The following BAALC variants were observed in gnomAD, a reference collection of about 807,000 sequenced individuals.
BAALC encodes BAALC binder of MAP3K1 and KLF4, also known as brain and acute leukemia cytoplasmic protein.
In BAALC, 9 loss-of-function variants were observed where a neutral mutation model predicts 15.5. The observed-to-expected ratio is 0.58, with a 90% CI of 0.35 to 1.02. BAALC has a LOEUF of 1.02. BAALC is among the 50% of genes least tolerant of loss of function. BAALC has a pLI of 0.02. For synonymous variants in BAALC, 80 were observed against 74.6 expected (o/e 1.07, Z -0.37); for missense variants, 201 against 192.4 (o/e 1.04, Z -0.27).
intron 1 of BAALC, among the ~76,000 whole-genome samples, chr8:103,168,306 C>T (rs1811393280): frequency 6.6e-6 from 1 of 152,130 alleles, no homozygotes; most frequent in Admixed American, 6.6e-5. Context: ...GGTCTAAGGC[C>T]TGATCTATTG....
chr8:103,212,636 A>G (rs1812472222), intron 1 of BAALC, among the ~76,000 whole-genome samples: 1 of 152,218 alleles, frequency 6.6e-6, no homozygotes, highest in Non-Finnish European at 1.5e-5. Flanking sequence ...TAAATAAATG[A>G]TGACATAGAC....
chr8:103,181,651 A>G (rs1211256181), intron 1 of BAALC, among the ~76,000 whole-genome samples: 1 of 152,176 alleles, frequency 6.6e-6, no homozygotes, highest in African/African-American at 2.4e-5. Context: ...CTTAGTGTAC[A>G]TTGATTTCCT....
At chr8:103,177,323 T>C (rs1403025917) in intron 1 of BAALC, among the ~76,000 whole-genome samples, 1 of 152,064 alleles carries the variant, frequency 6.6e-6, no homozygotes, top group African/African-American at 2.4e-5. Flanking sequence ...TGGCTGAGAC[T>C]ACTGGTGTGC....
chr8:103,226,982 T>C (rs939735340), intron 2 of BAALC, among the ~76,000 whole-genome samples: 1 of 152,178 alleles, frequency 6.6e-6, no homozygotes, highest in Admixed American at 6.5e-5. Context: ...ACTTAACCAC[T>C]CTACTAAAGC....
intron 1 of BAALC, among the ~76,000 whole-genome samples, chr8:103,141,785 A>G (rs1810784244): frequency 6.6e-6 from 1 of 152,264 alleles, no homozygotes; most frequent in Non-Finnish European, 1.5e-5. Context: ...CTATAAATTA[A>G]ATACTCTTGC....
At chr8:103,187,114 CT>C (rs2129990196) in intron 1 of BAALC, among the ~76,000 whole-genome samples, 1 of 152,292 alleles carries the variant, frequency 6.6e-6, no homozygotes, top group East Asian at 1.9e-4. Flanking sequence ...AAAGTGCCCC[CT>C]CCCTCGATGT....
chr8:103,220,763 G>A (rs566159315), intron 2 of BAALC, among the ~76,000 whole-genome samples: 1 of 152,242 alleles, frequency 6.6e-6, no homozygotes, highest in Admixed American at 6.5e-5. Context: ...ATTATCTCTG[G>A]GGAAGGCACT....
chr8:103,181,929 A>G (rs561201929), intron 1 of BAALC, among the ~76,000 whole-genome samples: 2 of 152,292 alleles, frequency 1.3e-5, no homozygotes, highest in African/African-American at 4.8e-5. Context: ...TAAGAAATGT[A>G]TTCATATATA....
At chr8:103,160,283 T>G (rs1316522345) in intron 1 of BAALC, among the ~76,000 whole-genome samples, 2 of 152,046 alleles carry the variant, frequency 1.3e-5, no homozygotes, top group East Asian at 3.9e-4. Flanking sequence ...TTTTGGGGAG[T>G]TTAAATATCC....
intron 2 of BAALC, chr8:103,219,636 T>A (rs544408211): frequency 6.6e-6 from 1 of 152,302 alleles, no homozygotes; most frequent in East Asian, 1.9e-4. Flanking sequence ...TCTTAAGAGT[T>A]TTACCTGCAG....
At chr8:103,191,969 A>G (rs1811977587) in intron 1 of BAALC, among the ~76,000 whole-genome samples, 1 of 152,226 alleles carries the variant, frequency 6.6e-6, no homozygotes, top group Admixed American at 6.5e-5. Flanking sequence ...TTATACTTTC[A>G]GTAGAAAACC....
chr8:103,178,681 AC>A (rs573236241), intron 1 of BAALC, among the ~76,000 whole-genome samples: 3 of 152,060 alleles, frequency 2.0e-5, no homozygotes, highest in South Asian at 4.2e-4. Flanking sequence ...ACATGGTGAA[AC>A]CCTGTCTCTA....
At chr8:103,166,787 A>G (rs1811359617) in intron 1 of BAALC, among the ~76,000 whole-genome samples, 1 of 152,184 alleles carries the variant, frequency 6.6e-6, no homozygotes, top group Non-Finnish European at 1.5e-5. Flanking sequence ...AATTGTACCT[A>G]TTTAATATCT....
intron 1 of BAALC, among the ~76,000 whole-genome samples, chr8:103,181,687 G>A (rs1407482143): frequency 6.6e-6 from 1 of 152,116 alleles, no homozygotes; most frequent in Non-Finnish European, 1.5e-5. Context: ...CAGCTACAGG[G>A]GATTTGGACC....
chr8:103,181,351 C>T (rs375951752), intron 1 of BAALC, among the ~76,000 whole-genome samples: 11 of 152,194 alleles, frequency 7.2e-5, no homozygotes, highest in African/African-American at 2.4e-4. Flanking sequence ...CAGCTCACTG[C>T]AAGCTCCACC....
chr8:103,218,505 A>T (rs999802930), intron 2 of BAALC, among the ~76,000 whole-genome samples: 1 of 151,982 alleles, frequency 6.6e-6, no homozygotes, highest in African/African-American at 2.4e-5. Flanking sequence ...GCTGCCTCCA[A>T]ACATTTACTC....
intron 1 of BAALC, among the ~76,000 whole-genome samples, chr8:103,194,720 A>G (rs1488967383): frequency 6.6e-6 from 1 of 152,228 alleles, no homozygotes; most frequent in African/African-American, 2.4e-5. Flanking sequence ...CAGCAGGTTC[A>G]GTGTTTGGGG....
At chr8:103,203,429 T>C (rs1812262013) in intron 1 of BAALC, among the ~76,000 whole-genome samples, 2 of 152,234 alleles carry the variant, frequency 1.3e-5, no homozygotes, top group African/African-American at 4.8e-5. Context: ...GACAGCTTTG[T>C]TGAGGTATAA....
At chr8:103,189,255 A>T (rs1389790007) in intron 1 of BAALC, among the ~76,000 whole-genome samples, 3 of 152,248 alleles carry the variant, frequency 2.0e-5, no homozygotes, top group Non-Finnish European at 4.4e-5. Context: ...GCTTCACCTT[A>T]AATCTTTGGT....
Sources: gnomAD v4.1 joint callset for allele counts (sites outside exome capture counted in the v4.1 genomes callset) on GRCh38, gnomAD v4.1.1 for gene constraint, MANE v1.5 for transcripts, NCBI Gene and HGNC (gene_info 2026-07-23, HGNC 2026-07-21) for gene names.